The following ALCAM variants were observed in gnomAD, a reference collection of about 807,000 sequenced individuals.
The protein encoded by ALCAM is CD166 antigen.
A neutral mutation model predicts 70.9 loss-of-function variants in ALCAM; 30 were observed. That is an observed-to-expected ratio of 0.42 (90% CI 0.32 to 0.57). ALCAM has a LOEUF of 0.57. Among genes scored for constraint, ALCAM ranks in the 20% least tolerant of loss-of-function variants. The probability of loss-of-function intolerance (pLI) is 0.11; values close to 1 mark genes in which losing one functional copy is unlikely to be tolerated. For missense variants in ALCAM, 591 were observed against 695.1 expected (o/e 0.85, Z 1.68); for synonymous variants, 249 against 242.5 (o/e 1.03, Z -0.25).
intron 15 of ALCAM, among the ~76,000 whole-genome samples, chr3:105,572,701 C>T (rs1175039344): frequency 2.6e-5 from 4 of 152,158 alleles, no homozygotes; most frequent in African/African-American, 9.7e-5. Context: ...CTCCCACCAA[C>T]AGTGTAAAAG....
chr3:105,388,124 C>T (rs1935704581), intron 1 of ALCAM, among the ~76,000 whole-genome samples: 2 of 151,506 alleles, frequency 1.3e-5, no homozygotes, highest in Admixed American at 1.3e-4. Context: ...GGAAGTACAA[C>T]CTCTCCTCTG....
chr3:105,469,576 G>T (rs1486974662), intron 1 of ALCAM, among the ~76,000 whole-genome samples: 2 of 151,076 alleles, frequency 1.3e-5, no homozygotes, highest in Non-Finnish European at 3.0e-5. Context: ...TGAGTTTCTT[G>T]TTTTTACAGG....
At chr3:105,401,133 C>T (rs1238895684) in intron 1 of ALCAM, among the ~76,000 whole-genome samples, 1 of 152,204 alleles carries the variant, frequency 6.6e-6, no homozygotes, top group African/African-American at 2.4e-5. Context: ...GGAACTGCTA[C>T]AGGCATTGAT....
chr3:105,545,316 C>A lies in ALCAM; in HGVS notation c.1085C>A (p.Ala362Glu). Residue 362 changes from alanine (A) to glutamate (E), a missense_variant, in exon 9 of 16, where the codon GCA (alanine) becomes GAA (glutamate). Physicochemically the swap from Ala to Glu is moderately radical, Grantham distance 107. Around this residue, in one of 2 missense-constraint regions of ALCAM, gnomAD observed 427 missense variants for 450.4 expected, o/e 0.95. Coordinates refer to ENST00000306107, the MANE Select transcript of ALCAM (RefSeq NM_001627.4). ...VSCTISASRN[A>E]TVVWMKDNIR... The stretch of plus-strand genomic sequence containing the variant: ...TGCACAATATCTGCTAGCAGGAATG[C>A]AACTGTGGTATGGATGAAAGTAAGT... The A allele has an allele frequency of 6.2e-7, 1 of 1,607,378 alleles. No individual in the cohort carries two copies. The highest frequency in any genetic ancestry group is 8.5e-7 in the Non-Finnish European group (1 of 1,174,920).
chr3:105,545,058 T>C, intron 8 of ALCAM, 165 bp from the exon 9 acceptor site: 1 of 578,736 alleles, frequency 1.7e-6, no homozygotes, highest in Non-Finnish European at 3.2e-6. Context: ...CTTGAAAAAC[T>C]AGGCTAATCA....
intron 1 of ALCAM, among the ~76,000 whole-genome samples, chr3:105,457,307 G>A (rs757444381): frequency 7.2e-5 from 11 of 152,160 alleles, no homozygotes; most frequent in South Asian, 4.1e-4. Flanking sequence ...TCATTGATGA[G>A]CATTTAACCA....
At chr3:105,500,287 C>A (rs1224068792) in intron 1 of ALCAM, among the ~76,000 whole-genome samples, 3 of 151,934 alleles carry the variant, frequency 2.0e-5, no homozygotes, top group East Asian at 3.9e-4. Context: ...TTCCTCTTTT[C>A]TCATCTCCTT....
Position 105,576,686 on chromosome 3 carries a change from A to T in ALCAM, c.*2235A>T, listed in dbSNP as rs532092970. 10 of 152,342 alleles carry T rather than the reference A, an allele frequency of 6.6e-5. No homozygotes were observed. In the South Asian group the frequency reaches 2.1e-3, roughly 32 times the overall value. The allele number at this position is 152,342 out of a possible 1,614,324, so 9.4% of individuals were successfully genotyped here. On this transcript the variant is annotated 3_prime_UTR_variant, in exon 16 of 16. Coordinates refer to ENST00000306107, the MANE Select transcript of ALCAM (RefSeq NM_001627.4). ...ATAAAGAGGAAAGCTTACTTGTTTA[A>T]TGGCAGCCACATGCACGAAGATGCT... is the stretch of plus-strand genomic sequence containing the variant.
At chr3:105,536,213 C>T (rs1176356448) in intron 6 of ALCAM, among the ~76,000 whole-genome samples, 1 of 151,796 alleles carries the variant, frequency 6.6e-6, no homozygotes, top group African/African-American at 2.4e-5. Context: ...CCTGCCTCAG[C>T]CTCCCAAGTA....
At chr3:105,479,389 T>G (rs1938209490) in intron 1 of ALCAM, among the ~76,000 whole-genome samples, 1 of 152,192 alleles carries the variant, frequency 6.6e-6, no homozygotes, top group Non-Finnish European at 1.5e-5. Flanking sequence ...AGTTTACTTT[T>G]TAGTTGATGA....
intron 1 of ALCAM, among the ~76,000 whole-genome samples, chr3:105,414,153 C>T (rs1251296376): frequency 3.3e-5 from 5 of 151,620 alleles, no homozygotes; most frequent in Non-Finnish European, 7.4e-5. Context: ...ATTCCCAGCA[C>T]TTTGGGAGGC....
At chr3:105,496,143 G>A (rs1487562887) in intron 1 of ALCAM, among the ~76,000 whole-genome samples, 1 of 152,054 alleles carries the variant, frequency 6.6e-6, no homozygotes, top group East Asian at 1.9e-4. Context: ...ATAACAATAC[G>A]CAAGTTCCCC....
intron 1 of ALCAM, among the ~76,000 whole-genome samples, chr3:105,385,867 T>C (rs1299643556): frequency 6.6e-6 from 1 of 151,674 alleles, no homozygotes; most frequent in Non-Finnish European, 1.5e-5. Context: ...AAATATGCCA[T>C]GCACATGTTG....
intron 1 of ALCAM, among the ~76,000 whole-genome samples, chr3:105,406,747 AG>A (rs1422321965): frequency 1.3e-5 from 2 of 151,574 alleles, no homozygotes; most frequent in Admixed American, 6.6e-5. Flanking sequence ...AACAATAAAA[AG>A]ATAAATGAAA....
At chr3:105,373,736 A>G (rs768590571) in intron 1 of ALCAM, among the ~76,000 whole-genome samples, 15 of 152,226 alleles carry the variant, frequency 9.9e-5, no homozygotes, top group Non-Finnish European at 2.1e-4. Flanking sequence ...TTGTCTATGT[A>G]TCCTCAAGTC....
In ALCAM at chr3:105,367,165, A is replaced by G; in HGVS notation, c.-244A>G. The G allele has an allele frequency of 3.8e-6, 2 of 529,664 alleles. No homozygotes were observed. The highest frequency in any genetic ancestry group is 3.4e-6 in the Non-Finnish European group (1 of 292,200). The allele number at this position is 529,664 out of a possible 1,614,324, so 32.8% of individuals were successfully genotyped here. A position where few individuals can be genotyped will look rare whatever the true frequency, so the allele number is the denominator to read the frequency against. On this transcript the variant is annotated 5_prime_UTR_variant, in exon 1 of 16. Transcript: ENST00000306107. ...AGAGGGTCGTTGTCCCCGGAGGAGC[A>G]GCCGAAGGGCCCGTGGGCTGGTGTT...
At chr3:105,372,211 G>T (rs1559768444) in intron 1 of ALCAM, among the ~76,000 whole-genome samples, 1 of 151,992 alleles carries the variant, frequency 6.6e-6, no homozygotes, top group Non-Finnish European at 1.5e-5. Context: ...AGAGAATATT[G>T]CAGGCTGTTT....
chr3:105,384,753 A>T (rs1229181139), intron 1 of ALCAM, among the ~76,000 whole-genome samples: 1 of 151,602 alleles, frequency 6.6e-6, no homozygotes, highest in African/African-American at 2.4e-5. Context: ...TATTTGTATA[A>T]CCAATTTTAA....
intron 5 of ALCAM, 51 bp from the exon 6 acceptor site, chr3:105,534,612 T>G (rs1327990219): frequency 4.5e-6 from 7 of 1,550,612 alleles, no homozygotes; most frequent in Non-Finnish European, 6.2e-6. Flanking sequence ...CGTTAAGGAT[T>G]GTGATTGTCA....
Sources: gnomAD v4.1 joint callset for allele counts (sites outside exome capture counted in the v4.1 genomes callset) on GRCh38, gnomAD v4.1.1 for gene constraint, gnomAD v4.1.1 regional missense constraint, MANE v1.5 for transcripts, NCBI Gene and HGNC (gene_info 2026-07-23, HGNC 2026-07-21) for gene names.